The following ATL2 variants were observed in gnomAD, a reference collection of about 807,000 sequenced individuals.
ATL2 encodes the protein atlastin-2.
In ATL2, 31 loss-of-function variants were observed where a neutral mutation model predicts 73.9. The observed-to-expected ratio is 0.42, with a 90% CI of 0.32 to 0.57. The LOEUF is 0.57. Among genes scored for constraint, ATL2 ranks in the 20% least tolerant of loss-of-function variants. The pLI is 0.14. For synonymous variants in ATL2, 291 were observed against 237.5 expected (o/e 1.23, Z -2.07); for missense variants, 738 against 702.6 (o/e 1.05, Z -0.57).
chr2:38,311,392 A>C (rs2148422810), intron 7 of ATL2, among the ~76,000 whole-genome samples: 1 of 152,292 alleles, frequency 6.6e-6, no homozygotes, highest in Non-Finnish European at 1.5e-5. Context: ...AGTCTCCTAA[A>C]CACTCTTCTG....
chr2:38,359,987 G>A (rs1314868617), intron 1 of ATL2, among the ~76,000 whole-genome samples: 3 of 151,904 alleles, frequency 2.0e-5, no homozygotes, highest in Non-Finnish European at 4.4e-5. Flanking sequence ...AAAAATAGCT[G>A]GGCGTGGTGG....
intron 2 of ATL2, among the ~76,000 whole-genome samples, chr2:38,341,773 T>C (rs940684316): frequency 2.0e-5 from 3 of 152,196 alleles, no homozygotes; most frequent in Non-Finnish European, 2.9e-5. Flanking sequence ...AAGCCTGAAA[T>C]GATCGCCATG....
At chr2:38,334,878 TTATATA>T (rs1669227458) in intron 2 of ATL2, among the ~76,000 whole-genome samples, 1 of 134,782 alleles carries the variant, frequency 7.4e-6, no homozygotes, top group South Asian at 2.2e-4. Context: ...ATAATATATA[TTATATA>T]ATATATAATA....
In ATL2 at chr2:38,299,405, G is replaced by C. The variant is rs3765052; in HGVS notation, c.1129-78C>G. 7 of 1,381,470 alleles carry C rather than the reference G, an allele frequency of 5.1e-6. No individual in the cohort carries two copies. The African/African-American group carries it at 1.1e-4, about 21-fold the overall frequency. 85.6% of individuals were successfully genotyped at this position (1,381,470 alleles called of 1,614,324 possible). ...AATTCTGATTAACACAATAAGTTAT[G>C]TACAATAAACAAGTCTGAAAATGAA... On this transcript the variant is annotated intron_variant, in intron 10 of 12. Transcript: ENST00000378954.
intron 2 of ATL2, among the ~76,000 whole-genome samples, chr2:38,325,158 T>A (rs1179438603): frequency 6.6e-6 from 1 of 152,214 alleles, no homozygotes; most frequent in Non-Finnish European, 1.5e-5. Context: ...CCATTGGACT[T>A]CCAGTGTCAG....
At chr2:38,352,268 T>C (rs1444291309) in intron 1 of ATL2, among the ~76,000 whole-genome samples, 2 of 152,010 alleles carry the variant, frequency 1.3e-5, no homozygotes, top group Non-Finnish European at 2.9e-5. Flanking sequence ...GGGAGGATAT[T>C]TGAGACTTCT....
intron 2 of ATL2, among the ~76,000 whole-genome samples, chr2:38,328,958 T>C (rs1455488832): frequency 9.2e-5 from 14 of 151,532 alleles, no homozygotes; most frequent in Admixed American, 9.2e-4. Flanking sequence ...GACAAACTAG[T>C]ATCAGAAATC....
chr2:38,330,134 AAAAG>A (rs1441770982), intron 2 of ATL2, among the ~76,000 whole-genome samples: 14 of 146,366 alleles, frequency 9.6e-5, no homozygotes, highest in Admixed American at 8.0e-4. Context: ...CTCAAAAAAG[AAAAG>A]AAAGAAAAAA....
At chr2:38,331,041 G>A (rs917557784) in intron 2 of ATL2, among the ~76,000 whole-genome samples, 29 of 152,114 alleles carry the variant, frequency 1.9e-4, no homozygotes, top group Non-Finnish European at 3.2e-4. Flanking sequence ...GGTGGCTCAC[G>A]CCTGTAATCC....
intron 1 of ATL2, among the ~76,000 whole-genome samples, chr2:38,373,677 G>A (rs1327063809): frequency 2.0e-5 from 3 of 152,254 alleles, no homozygotes; most frequent in Admixed American, 2.0e-4. Flanking sequence ...AGCAATATGT[G>A]TATATACCCA....
chr2:38,368,311 G>A (rs1671468099), intron 1 of ATL2, among the ~76,000 whole-genome samples: 1 of 149,624 alleles, frequency 6.7e-6, no homozygotes, highest in South Asian at 2.1e-4. Context: ...GGAGCGCAAT[G>A]GTGCAATCTC....
chr2:38,348,210 T>C (rs1286836094), intron 1 of ATL2, among the ~76,000 whole-genome samples: 4 of 152,006 alleles, frequency 2.6e-5, no homozygotes, highest in Non-Finnish European at 5.9e-5. Context: ...CTCACGCCTG[T>C]AATCCCAACA....
chr2:38,376,731 G>C (rs576250214), intron 1 of ATL2: 1 of 152,266 alleles, frequency 6.6e-6, no homozygotes, highest in African/African-American at 2.4e-5. Flanking sequence ...ACCAGCTAAC[G>C]GGTCGCCCCG....
chr2:38,302,954 C>T (rs1558386988), intron 9 of ATL2, among the ~76,000 whole-genome samples: 1 of 152,258 alleles, frequency 6.6e-6, no homozygotes, highest in East Asian at 1.9e-4. Context: ...TCCAAGAAAA[C>T]ATGACCTCAC....
rs370647926 is a variant in ATL2 at position 38,344,707 on chromosome 2, AAT to A, written c.119-1197_119-1196del. Among the ~76,000 whole-genome samples the A allele has an allele frequency of 8.6e-4, 131 of 152,334 alleles. 1 individual carries two copies. Among genetic ancestry groups the A allele is most frequent in the African/African-American group, 2.9e-3 (120 of 41,576 alleles). ...ACAAGTTTCCAAAAATGATACTTAC[AAT>A]GAGTCCCTAATTTAATAACAGTAAC... is the stretch of plus-strand genomic sequence containing the variant. On this transcript the variant is annotated intron_variant, in intron 1 of 12. Coordinates refer to ENST00000378954, the MANE Select transcript of ATL2 (RefSeq NM_001135673.4).
intron 1 of ATL2, among the ~76,000 whole-genome samples, chr2:38,354,735 C>CAA (rs1229760453): frequency 1.3e-5 from 2 of 151,902 alleles, no homozygotes; most frequent in African/African-American, 4.8e-5. Context: ...ACTAAAAATA[C>CAA]AAAAATTAGC....
chr2:38,313,888 G>C (rs539388567), intron 6 of ATL2, among the ~76,000 whole-genome samples: 1 of 152,244 alleles, frequency 6.6e-6, no homozygotes, highest in African/African-American at 2.4e-5. Context: ...GTGGCAAAAT[G>C]ATCCCAGTTC....
At chr2:38,342,204 G>C (rs1669763994) in intron 2 of ATL2, among the ~76,000 whole-genome samples, 1 of 151,932 alleles carries the variant, frequency 6.6e-6, no homozygotes, top group Non-Finnish European at 1.5e-5. Context: ...AAGTGAAAAT[G>C]TATAGAAGGG....
intron 2 of ATL2, among the ~76,000 whole-genome samples, chr2:38,327,257 T>A (rs1465696066): frequency 1.3e-5 from 2 of 151,902 alleles, no homozygotes; most frequent in Non-Finnish European, 2.9e-5. Flanking sequence ...AAATAAAATC[T>A]TTTAGGTGGT....
Sources: gnomAD v4.1 joint callset for allele counts (sites outside exome capture counted in the v4.1 genomes callset) on GRCh38, gnomAD v4.1.1 for gene constraint, MANE v1.5 for transcripts, NCBI Gene and HGNC (gene_info 2026-07-23, HGNC 2026-07-21) for gene names.